Variants in P3H1 observed in about 807,000 individuals in gnomAD.
P3H1 encodes growth suppressor 1.
In P3H1, 69 loss-of-function variants were observed where a neutral mutation model predicts 84.0. The observed-to-expected ratio is 0.82, with a 90% confidence interval of 0.68 to 1.00. The LOEUF is 1.00. Ranked by LOEUF, P3H1 falls within the 50% of genes least tolerant of loss-of-function variation. The pLI is 0.00. For synonymous variants in P3H1, 366 were observed against 388.8 expected (o/e 0.94, Z 0.69); for missense variants, 878 against 962.8 (o/e 0.91, Z 1.17).
intron 1 of P3H1, among the ~76,000 whole-genome samples, chr1:42,764,423 C>CAAAAAAA (rs769981372): frequency 2.4e-5 from 2 of 84,914 alleles, no homozygotes; most frequent in Non-Finnish European, 2.4e-5. Flanking sequence ...GACTCCATCT[C>CAAAAAAA]AAAAAAAAAA....
intron 10 of P3H1, among the ~76,000 whole-genome samples, chr1:42,750,648 GCC>G (rs1557563102): frequency 9.2e-6 from 1 of 108,392 alleles, no homozygotes. Flanking sequence ...CGGGAGGGAG[GCC>G]GGGGGGGGTG....
chr1:42,752,522 C>T lies in P3H1; in HGVS notation c.1473+15G>A, dbSNP rs1652166173. The T allele has an allele frequency of 6.2e-7, 1 of 1,614,120 alleles. No homozygotes were observed. Among genetic ancestry groups the T allele is most frequent in the Non-Finnish European group, 8.5e-7 (1 of 1,180,036 alleles). ...GGACCCTTGGGGGAAGGTGCAGTCA[C>T]TGGGCTTCCCTTACATTGGTCAGTC... On this transcript the variant is annotated intron_variant, in intron 9 of 14. Transcript: ENST00000296388.
At chr1:42,749,349 G>A (rs762471886) in intron 11 of P3H1, among the ~76,000 whole-genome samples, 1 of 152,220 alleles carries the variant, frequency 6.6e-6, no homozygotes, top group South Asian at 2.1e-4. Flanking sequence ...TCACTGCCAG[G>A]GGCCTGCTGG....
In P3H1 at chr1:42,758,954, G is replaced by T. The variant is rs1652551021; in HGVS notation, c.838C>A (p.Gln280Lys). Reference protein sequence around the residue: ...DHYIQVLNCKQNCVTELASHP... With the variant: ...DHYIQVLNCKKNCVTELASHP... ...GAAGCAAGCTCCGTGACACAGTTCT[G>T]CTTACAGTTGAGGACCTGGATGTAA... Residue 280 changes from glutamine to lysine, a missense_variant, in exon 4 of 15, where the codon CAG becomes AAG. Physicochemically the swap from Gln to Lys is moderately conservative, Grantham distance 53 (BLOSUM62 1). Coordinates refer to ENST00000296388, the MANE Select transcript of P3H1 (RefSeq NM_022356.4). The T allele has an allele frequency of 1.9e-6, 3 of 1,614,152 alleles. No individual in the cohort carries two copies. The highest frequency in any genetic ancestry group is 2.5e-6 in the Non-Finnish European group (3 of 1,180,010).
At chr1:42,756,236 C>T (rs2124127885) in intron 5 of P3H1, among the ~76,000 whole-genome samples, 1 of 152,116 alleles carries the variant, frequency 6.6e-6, no homozygotes, top group Non-Finnish European at 1.5e-5. Flanking sequence ...TGCATTTGGA[C>T]AGATAAAGCC....
intron 2 of P3H1, chr1:42,760,999 T>C (rs1044597891): frequency 8.1e-6 from 1 of 123,438 alleles, no homozygotes; most frequent in Non-Finnish European, 1.7e-5. Flanking sequence ...TTTTTTTGAC[T>C]GTTGCTCTGT....
intron 10 of P3H1, 33 bp downstream of exon 10, chr1:42,752,241 T>C (rs1310219726): frequency 3.2e-6 from 5 of 1,566,368 alleles, no homozygotes; most frequent in Admixed American, 1.7e-5. Flanking sequence ...CACCCCTTTC[T>C]CCACACTCTA....
At chr1:42,748,799 C>G (rs960864351) in intron 11 of P3H1, 4 of 259,804 alleles carry the variant, frequency 1.5e-5, no homozygotes, top group Non-Finnish European at 3.1e-5. Context: ...GGTGGAGAAA[C>G]CATGCAGGGA....
Position 42,746,808 on chromosome 1 carries a change from T to C in P3H1, c.2100A>G (p.Pro700=), listed in dbSNP as rs372711844. The change falls in exon 15 of 15, where the codon CCA becomes CCG. Residue 700 remains proline (P), a synonymous_variant. Transcript: ENST00000296388. ...GCTCCTGGGAGAGGTCCATCTCTTCTGGGCTGAAGAGCATCTTCACCAGGT... is the reference window on the plus strand; with the variant it reads ...GCTCCTGGGAGAGGTCCATCTCTTCCGGGCTGAAGAGCATCTTCACCAGGT... The part of the protein sequence containing the change: ...ADDLVKMLFS[P]EEMDLSQEQP... 129 of 1,600,520 alleles carry C rather than the reference T, an allele frequency of 8.1e-5. No homozygotes were observed. The highest frequency in any genetic ancestry group is 4.9e-4 in the Middle Eastern group (3 of 6,062).
intron 5 of P3H1, 144 bp from the exon 6 acceptor site, chr1:42,755,781 A>ATT: frequency 1.4e-6 from 1 of 695,252 alleles, no homozygotes; most frequent in South Asian, 1.5e-5. Flanking sequence ...TCTGTTCCCC[A>ATT]GTTTGAGACA....
In P3H1 at chr1:42,750,390, T is replaced by A; in HGVS notation, c.1570-54A>T. On this transcript the variant is annotated intron_variant, in intron 10 of 14. Transcript: ENST00000296388. ...CTCAACGACTGATATGGTTTGGCTC[T>A]GTGTCCCTACCCAAATCTTATCTTG... 3 of 1,602,290 alleles carry A rather than the reference T, an allele frequency of 1.9e-6. No individual in the cohort carries two copies. The South Asian group carries it at 3.3e-5, about 18-fold the overall frequency.
intron 2 of P3H1, 93 bp downstream of exon 2, chr1:42,762,230 C>T: frequency 7.7e-7 from 1 of 1,305,520 alleles, no homozygotes; most frequent in Non-Finnish European, 1.1e-6. Flanking sequence ...ATGATCAAGC[C>T]ACTGCACTCC....
intron 1 of P3H1, among the ~76,000 whole-genome samples, chr1:42,763,096 AATAC>A (rs901910721): frequency 1.3e-5 from 2 of 152,084 alleles, no homozygotes; most frequent in African/African-American, 4.8e-5. Flanking sequence ...AAAAAAAAAA[AATAC>A]ATATATATAT....
intron 6 of P3H1, 151 bp from the exon 7 acceptor site, chr1:42,755,368 C>G (rs1202742862): frequency 6.3e-6 from 6 of 949,722 alleles, no homozygotes; most frequent in Non-Finnish European, 1.0e-5. Flanking sequence ...ATCTAAGTCC[C>G]TTCTAGCTGC....
intron 6 of P3H1, 92 bp downstream of exon 6, chr1:42,755,456 C>G (rs538946263): frequency 8.3e-7 from 1 of 1,209,678 alleles, no homozygotes; most frequent in South Asian, 1.2e-5. Flanking sequence ...AGCAAGTTTT[C>G]TCTCAGAATC....
At position 42,754,918 on chromosome 1, in the gene P3H1, C is replaced by T. The variant is rs571897238; in HGVS notation, c.1296G>A (p.Val432=). 2 of 1,614,202 alleles carry T rather than the reference C, an allele frequency of 1.2e-6. No individual in the cohort carries two copies. Among genetic ancestry groups the T allele is most frequent in the South Asian group, 2.2e-5 (2 of 91,084 alleles). The change falls in exon 8 of 15, where the codon GTG becomes GTA. Residue 432 remains valine (V), a synonymous_variant. Transcript: ENST00000296388. The surrounding 1 kb of genome is among the most constrained non-coding windows in gnomAD (Gnocchi z 4.0). ...GNLMKEIETL[V]EEKTKESLDV... is the part of the protein sequence containing the mutation. ...CCAGTGACTCCTTGGTCTTCTCTTCCACAAGGGTCTCGATTTCCTTCATAA... is the reference window on the plus strand; with the variant it reads ...CCAGTGACTCCTTGGTCTTCTCTTCTACAAGGGTCTCGATTTCCTTCATAA...
intron 10 of P3H1, 124 bp from the exon 11 acceptor site, chr1:42,750,460 G>T: frequency 9.8e-7 from 1 of 1,022,988 alleles, no homozygotes; most frequent in East Asian, 2.6e-5. Flanking sequence ...CCTGGTGGGA[G>T]ATGACTGAAT....
At chr1:42,750,699 T>G (rs1463681494) in intron 10 of P3H1, among the ~76,000 whole-genome samples, 17 of 73,664 alleles carry the variant, frequency 2.3e-4, no homozygotes, top group Non-Finnish European at 2.8e-4. Context: ...GGTGGGGGGG[T>G]CAGCCCCCCG....
In P3H1 at chr1:42,750,142, G is replaced by A. The variant is rs1289516728; in HGVS notation, c.1720+44C>T. On this transcript the variant is annotated intron_variant, in intron 11 of 14. Coordinates refer to ENST00000296388, the MANE Select transcript of P3H1 (RefSeq NM_022356.4). ...CTTCAGCATCCAGCACAGAGCTGAG[G>A]TACAGCATGCGGGGGCGGGTGCTGC... 3.8e-6 allele frequency: 6 copies of A among 1,599,832 alleles called. No individual in the cohort carries two copies. The South Asian group carries it at 6.8e-5, about 18-fold the overall frequency.
Sources: gnomAD v4.1 joint callset for allele counts (sites outside exome capture counted in the v4.1 genomes callset) on GRCh38, gnomAD v4.1.1 for gene constraint, Gnocchi (gnomAD v3.1) non-coding constraint, MANE v1.5 for transcripts, NCBI Gene and HGNC (gene_info 2026-07-23, HGNC 2026-07-21) for gene names.